GPRIN1: variants seen among roughly 807,000 people sequenced by gnomAD.
The protein encoded by GPRIN1 is G protein regulated inducer of neurite outgrowth 1.
Under a neutral mutation model 2.8 loss-of-function variants are expected in GPRIN1, and 4 were observed. That is an observed-to-expected ratio of 1.45 (90% CI 0.71 to 3.32). GPRIN1 has a LOEUF of 3.32. GPRIN1 is among the 30% of genes most tolerant of loss of function. GPRIN1 has a pLI of 0.01. For synonymous variants in GPRIN1, 589 were observed against 589.9 expected, an observed-to-expected ratio of 1.00 and a Z score of 0.02; for missense variants, 1,322 against 1,343.4, an observed-to-expected ratio of 0.98 and a Z score of 0.25.
In GPRIN1 at chr5:176,606,787, G is replaced by A. The variant is rs113211499; in HGVS notation, c.-44+3212C>T. On this transcript the variant is annotated intron_variant, in intron 1 of 1. Transcript: ENST00000303991. Reference sequence around the variant, plus strand: ...GAAAGGCAGAGGTGACCTTGTACAAGTCGAGCCCTTACTATGTGCAAATCC... The same window carrying A: ...GAAAGGCAGAGGTGACCTTGTACAAATCGAGCCCTTACTATGTGCAAATCC... 9.7e-3 allele frequency among the ~76,000 whole-genome samples: 1,485 copies of A among 152,330 alleles called. 23 individuals carry two copies. The highest frequency in any genetic ancestry group is 0.033 in the African/African-American group (1,392 of 41,564).
intron 1 of GPRIN1, among the ~76,000 whole-genome samples, chr5:176,604,616 G>T (rs1170936923): frequency 6.6e-6 from 1 of 152,178 alleles, no homozygotes; most frequent in Non-Finnish European, 1.5e-5. Context: ...CTAGCGCCTA[G>T]TGAGCCACTG....
At chr5:176,601,156 GC>G (rs1370760923) in intron 1 of GPRIN1, among the ~76,000 whole-genome samples, 1 of 152,118 alleles carries the variant, frequency 6.6e-6, no homozygotes, top group Admixed American at 6.5e-5. Flanking sequence ...GTCTATGTAG[GC>G]CCTGGAGAGC....
Position 176,599,370 on chromosome 5 carries a change from G to C in GPRIN1, c.465C>G (p.Phe155Leu). 1 of 1,614,196 alleles carries C rather than the reference G, an allele frequency of 6.2e-7. No homozygotes were observed. Among genetic ancestry groups the C allele is most frequent in the South Asian group, 1.1e-5 (1 of 91,076 alleles). ...RNPMFLEKMD[F>L]KSSKQADSTS... ...TGGAATCGGCCTGCTTTGAGGACTT[G>C]AAATCCATCTTCTCTAAGAACATGG... is the stretch of plus-strand genomic sequence containing the variant. Residue 155 changes from phenylalanine (F) to leucine (L), a missense_variant, in exon 2 of 2, where the codon TTC (phenylalanine) becomes TTG (leucine). Physicochemically the swap from Phe to Leu is conservative, Grantham distance 22. Around this residue, in one of 3 missense-constraint regions of GPRIN1, gnomAD observed 1,117 missense variants for 1,128.6 expected, o/e 0.99. Coordinates refer to ENST00000303991, the MANE Select transcript of GPRIN1 (RefSeq NM_052899.3).
chr5:176,598,843 G>C lies in GPRIN1; in HGVS notation c.992C>G (p.Pro331Arg), dbSNP rs776843312. The C allele has an allele frequency of 6.2e-7, 1 of 1,613,816 alleles. No homozygotes were observed. ...AGGAGCCCCGGTCCCAGAGGATACA[G>C]GCCCATTCTTGCCTGATGAGCCTGG... ...LIPGSSGKNG[P>R]VSSGTGAPGS... The change falls in exon 2 of 2, where the codon CCT (proline) becomes CGT (arginine). Residue 331 changes from proline (P) to arginine (R), a missense_variant. Coordinates refer to ENST00000303991, the MANE Select transcript of GPRIN1 (RefSeq NM_052899.3).
chr5:176,597,906 A>G lies in GPRIN1; in HGVS notation c.1929T>C (p.Pro643=), dbSNP rs150212354. The G allele has an allele frequency of 2.0e-5, 32 of 1,613,682 alleles. No homozygotes were observed. The African/African-American group carries it at 3.3e-4, about 17-fold the overall frequency. ...QSGGKAETKL[P]GQEGAAAPGE... Reference sequence around the variant, plus strand: ...CTGGTGCTGCAGCGCCCTCTTGCCCAGGGAGCTTTGTTTCTGCTTTGCCAC... The same window carrying G: ...CTGGTGCTGCAGCGCCCTCTTGCCCGGGGAGCTTTGTTTCTGCTTTGCCAC... Residue 643 remains proline, a synonymous_variant, in exon 2 of 2, where the codon CCT becomes CCC. Transcript: ENST00000303991. This position sits in a 1 kb window ranked among gnomAD's most constrained non-coding sequence, Gnocchi z 6.1.
chr5:176,597,540 C>G lies in GPRIN1; in HGVS notation c.2295G>C (p.Gln765His). The change falls in exon 2 of 2, where the codon CAG becomes CAC. Residue 765 changes from glutamine (Q) to histidine (H), a missense_variant. This residue lies in a region of GPRIN1 where 1,117 missense variants were observed against 1,128.6 expected (regional missense o/e 0.99). Coordinates refer to ENST00000303991, the MANE Select transcript of GPRIN1 (RefSeq NM_052899.3). This position sits in a 1 kb window ranked among gnomAD's most constrained non-coding sequence, Gnocchi z 6.1. Reference protein sequence around the residue: ...VSSTEASSLGQKDLEAAGAER... With the variant: ...VSSTEASSLGHKDLEAAGAER... ...CGGCCCCAGCGGCTTCCAGGTCTTT[C>G]TGGCCGAGACTGGAGGCCTCGGTGC... is the stretch of plus-strand genomic sequence containing the variant. 6.5e-7 allele frequency: 1 copy of G among 1,532,210 alleles called. No individual in the cohort carries two copies. 94.9% of individuals were successfully genotyped at this position (1,532,210 alleles called of 1,614,324 possible). A position where few individuals can be genotyped will look rare whatever the true frequency, so the allele number is the denominator to read the frequency against.
rs1399997174 is a variant in GPRIN1, at chr5:176,597,725, A to C, written c.2110T>G (p.Ser704Ala). The C allele has an allele frequency of 6.3e-7, 1 of 1,597,352 alleles. No homozygotes were observed. The highest frequency in any genetic ancestry group is 1.7e-5 in the Admixed American group (1 of 57,336). ...ADSAPSRKTE[S>A]PSLGKVVPLS... ...GGGACCACCTTCCCCAAGGATGGGG[A>C]CTCCGTTTTTCTGGAAGGTGCAGAG... The change falls in exon 2 of 2, where the codon TCC (serine) becomes GCC (alanine). Residue 704 changes from serine to alanine, a missense_variant. By Grantham distance (99) the Ser-to-Ala change is moderately conservative. Coordinates refer to ENST00000303991, the MANE Select transcript of GPRIN1 (RefSeq NM_052899.3). This position sits in a 1 kb window ranked among gnomAD's most constrained non-coding sequence, Gnocchi z 6.1.
intron 1 of GPRIN1, among the ~76,000 whole-genome samples, chr5:176,603,672 T>C (rs1386710504): frequency 6.6e-6 from 1 of 152,016 alleles, no homozygotes; most frequent in Non-Finnish European, 1.5e-5. Context: ...ATGGGACTTA[T>C]GGGGGGTGAC....
rs771954243 is a variant in GPRIN1, at chr5:176,599,013, A to G, written c.822T>C (p.Ala274=). 5 of 1,614,152 alleles carry G rather than the reference A, an allele frequency of 3.1e-6. No homozygotes were observed. Among genetic ancestry groups the G allele is most frequent in the Non-Finnish European group, 4.2e-6 (5 of 1,180,024 alleles). Residue 274 remains alanine, a synonymous_variant, in exon 2 of 2, where the codon GCT becomes GCC. Transcript: ENST00000303991. ...GATCTACCTTTTCTGCAGATGTAGG[A>G]GCGACCTTTTCTGAGGACACAGGAT... ...KEHPVSSEKV[A]PTSAEKVDLV... is the part of the protein sequence containing the mutation.
chr5:176,600,142 C>A (rs1759124312), intron 1 of GPRIN1, among the ~76,000 whole-genome samples: 1 of 152,144 alleles, frequency 6.6e-6, no homozygotes. Flanking sequence ...TTTTTTGAGA[C>A]AGAGTTTCGC....
intron 1 of GPRIN1, among the ~76,000 whole-genome samples, chr5:176,600,345 C>T (rs931919972): frequency 1.3e-5 from 2 of 152,006 alleles, no homozygotes; most frequent in African/African-American, 4.8e-5. Flanking sequence ...TCAGGTGATC[C>T]GCCCACCTCA....
intron 1 of GPRIN1, among the ~76,000 whole-genome samples, chr5:176,604,332 CAT>C (rs1449012402): frequency 6.6e-6 from 1 of 152,156 alleles, no homozygotes; most frequent in African/African-American, 2.4e-5. Context: ...CAGCAAATCA[CAT>C]GAGGCATGGT....
Position 176,599,590 on chromosome 5 carries a change from G to C in GPRIN1, c.245C>G (p.Ser82Cys), listed in dbSNP as rs767600020. 1.9e-6 allele frequency: 3 copies of C among 1,550,552 alleles called. No individual in the cohort carries two copies. In the South Asian group the frequency reaches 3.8e-5, roughly 19 times the overall value. Residue 82 changes from serine to cysteine, a missense_variant, in exon 2 of 2, where the codon TCC becomes TGC. Coordinates refer to ENST00000303991, the MANE Select transcript of GPRIN1 (RefSeq NM_052899.3). Reference sequence around the variant, plus strand: ...GCTCCCTCTGGGGCCGTCAGAGCAGGAGGCCCCTTCCCCAGCCCCACTGGG... The same window carrying C: ...GCTCCCTCTGGGGCCGTCAGAGCAGCAGGCCCCTTCCCCAGCCCCACTGGG... ...RSPSGAGEGA[S>C]CSDGPRGSLA...
At position 176,599,749 on chromosome 5, in the gene GPRIN1, C is replaced by G. The variant is rs1385158384; in HGVS notation, c.86G>C (p.Cys29Ser). The change falls in exon 2 of 2, where the codon TGC (cysteine) becomes TCC (serine). Residue 29 changes from cysteine to serine, a missense_variant. Around this residue, in one of 3 missense-constraint regions of GPRIN1, gnomAD observed 1,117 missense variants for 1,128.6 expected, o/e 0.99. Coordinates refer to ENST00000303991, the MANE Select transcript of GPRIN1 (RefSeq NM_052899.3). ...AGCCCCCAGGCTCCCATCCTGTGGGCAGAAGAAGGCTGTGGGTCGGGGTCC... is the reference window on the plus strand; with the variant it reads ...AGCCCCCAGGCTCCCATCCTGTGGGGAGAAGAAGGCTGTGGGTCGGGGTCC... Reference protein sequence around the residue: ...PPGPRPTAFFCPQDGSLGAGS... With the variant: ...PPGPRPTAFFSPQDGSLGAGS... The G allele has an allele frequency of 1.3e-6, 2 of 1,534,238 alleles. No homozygotes were observed. The highest frequency in any genetic ancestry group is 1.8e-6 in the Non-Finnish European group (2 of 1,140,932).
Position 176,597,484 on chromosome 5 carries a change from G to C in GPRIN1, c.2351C>G (p.Pro784Arg). ...ERSPCPEAAA[P>R]PPGPRTRDNF... Reference sequence around the variant, plus strand: ...GTCGCGAGTCCGCGGCCCCGGCGGGGGCGCTGCGGCCTCTGGGCAGGGGCT... The same window carrying C: ...GTCGCGAGTCCGCGGCCCCGGCGGGCGCGCTGCGGCCTCTGGGCAGGGGCT... Residue 784 changes from proline to arginine, a missense_variant, in exon 2 of 2, where the codon CCC (proline) becomes CGC (arginine). This residue lies in a region of GPRIN1 where 1,117 missense variants were observed against 1,128.6 expected (regional missense o/e 0.99). Transcript: ENST00000303991. The surrounding 1 kb of genome is among the most constrained non-coding windows in gnomAD (Gnocchi z 6.1). 1 of 1,343,188 alleles carries C rather than the reference G, an allele frequency of 7.4e-7. No individual in the cohort carries two copies. 83.2% of individuals were successfully genotyped at this position (1,343,188 alleles called of 1,614,324 possible).
rs771443468 is a variant in GPRIN1 at position 176,598,155 on chromosome 5, G to A, written c.1680C>T (p.Asp560=). 9.9e-6 allele frequency: 16 copies of A among 1,612,712 alleles called. No individual in the cohort carries two copies. In the Admixed American group the frequency reaches 2.0e-4, roughly 20 times the overall value. The change falls in exon 2 of 2, where the codon GAC becomes GAT. Residue 560 remains aspartate, a synonymous_variant. Coordinates refer to ENST00000303991, the MANE Select transcript of GPRIN1 (RefSeq NM_052899.3). ...AGTCCCCTTGTCCAGAGGGGCCAGC[G>A]TCTGCCTTTCCCTTGCTCACAGGGT... ...KEDPVSKGKA[D]AGPSGQGDSV...
At position 176,597,277 on chromosome 5, in the gene GPRIN1, G is replaced by A. The variant is rs899055428; in HGVS notation, c.2558C>T (p.Ser853Leu). 2.0e-5 allele frequency: 25 copies of A among 1,238,094 alleles called. No individual in the cohort carries two copies. The highest frequency in any genetic ancestry group is 2.5e-5 in the Non-Finnish European group (25 of 992,958). 76.7% of individuals were successfully genotyped at this position (1,238,094 alleles called of 1,614,324 possible). A position where few individuals can be genotyped will look rare whatever the true frequency, so the allele number is the denominator to read the frequency against. The change falls in exon 2 of 2, where the codon TCG (serine) becomes TTG (leucine). Residue 853 changes from serine to leucine, a missense_variant. By Grantham distance (145) the Ser-to-Leu change is moderately radical. Transcript: ENST00000303991. The surrounding 1 kb of genome is among the most constrained non-coding windows in gnomAD (Gnocchi z 6.1). ...QAAPRAPSPP[S>L]RRDAGLQVSL... ...CACCTGCAGGCCCGCATCTCGGCGC[G>A]AGGGCGGGCTGGGCGCGCGCGGCGC...
rs114992997 is a variant in GPRIN1 at position 176,596,092 on chromosome 5, G to A, written c.*716C>T. The A allele has an allele frequency of 0.015, 2,357 of 157,284 alleles. 20 individuals are homozygous for A. Among genetic ancestry groups the A allele is most frequent in the Non-Finnish European group, 0.023 (1,646 of 71,632 alleles). The allele number at this position is 157,284 out of a possible 1,614,324, so 9.7% of individuals were successfully genotyped here. A position where few individuals can be genotyped will look rare whatever the true frequency, so the allele number is the denominator to read the frequency against. On this transcript the variant is annotated 3_prime_UTR_variant, in exon 2 of 2. Transcript: ENST00000303991. The surrounding 1 kb of genome is among the most constrained non-coding windows in gnomAD (Gnocchi z 5.2). ...CTTCCTGAGACCCTCTGGCCTTTCT[G>A]TGACTCTCTCTCAGCTGAGCCCCCA...
Position 176,596,574 on chromosome 5 carries a change from G to T in GPRIN1, c.*234C>A. On this transcript the variant is annotated 3_prime_UTR_variant, in exon 2 of 2. Transcript: ENST00000303991. The surrounding 1 kb of genome is among the most constrained non-coding windows in gnomAD (Gnocchi z 5.2). ...TAGAGCTGAGGGCTGTGAGGGGACA[G>T]TGGGGCGTCAGGGCTGGCCGGGTTC... 3.7e-6 allele frequency: 1 copy of T among 267,544 alleles called. No individual in the cohort carries two copies. Among genetic ancestry groups the T allele is most frequent in the Non-Finnish European group, 7.0e-6 (1 of 143,780 alleles). The allele number at this position is 267,544 out of a possible 1,614,324, so 16.6% of individuals were successfully genotyped here.
Sources: gnomAD v4.1 joint callset for allele counts (sites outside exome capture counted in the v4.1 genomes callset) on GRCh38, gnomAD v4.1.1 for gene constraint, gnomAD v4.1.1 regional missense constraint, Gnocchi (gnomAD v3.1) non-coding constraint, MANE v1.5 for transcripts, NCBI Gene and HGNC (gene_info 2026-07-23, HGNC 2026-07-21) for gene names.